Variants in MBD5 observed in about 807,000 individuals in gnomAD.
The protein encoded by MBD5 is methyl-CpG binding domain protein 5.
MBD5 carries 13 observed loss-of-function variants against 117.3 expected under a neutral mutation model. The ratio of observed to expected loss-of-function variants is 0.11; its 90% CI spans 0.07 to 0.18. The LOEUF is 0.18. Among genes scored for constraint, MBD5 ranks in the 10% least tolerant of loss-of-function variants. The probability of loss-of-function intolerance (pLI) is 1.00; values close to 1 mark genes in which losing one functional copy is unlikely to be tolerated. For missense variants in MBD5, 1,879 were observed against 2,093.8 expected (o/e 0.90, Z 2.00); for synonymous variants, 727 against 766.4 (o/e 0.95, Z 0.85).
At chr2:148,226,763 C>G (rs1360926224) in intron 2 of MBD5, among the ~76,000 whole-genome samples, 1 of 152,210 alleles carries the variant, frequency 6.6e-6, no homozygotes, top group Admixed American at 6.5e-5. Flanking sequence ...TCTACATCCT[C>G]TCCAGCACCT....
intron 1 of MBD5, among the ~76,000 whole-genome samples, chr2:148,074,260 ATTTG>A (rs1695433875): frequency 6.6e-6 from 1 of 151,996 alleles, no homozygotes; most frequent in African/African-American, 2.4e-5. Context: ...TACATTTGTA[ATTTG>A]TTTGTATCTT....
intron 1 of MBD5, chr2:148,028,676 T>C (rs539598142): frequency 6.6e-6 from 1 of 152,180 alleles, no homozygotes; most frequent in African/African-American, 2.4e-5. Flanking sequence ...AAAGCAAATA[T>C]TGATTTTTAA....
chr2:148,055,418 C>CTTTTTTTTTTTTTTTTTTTT (rs56877252), intron 1 of MBD5: 1 of 140,918 alleles, frequency 7.1e-6, no homozygotes. Flanking sequence ...ATAGGTTTTT[C>CTTTTTTTTTTTTTTTTTTTT]TTTTTTTTTT....
At chr2:148,138,699 T>G (rs13411680) in intron 1 of MBD5, among the ~76,000 whole-genome samples, 46,037 of 152,112 alleles carry the variant, frequency 0.3, 8,496 homozygotes, top group South Asian at 0.47. Flanking sequence ...ATGCTTGAGA[T>G]AAAGAAATTG....
chr2:148,384,320 G>T (rs1574362148), intron 4 of MBD5, among the ~76,000 whole-genome samples: 1 of 152,024 alleles, frequency 6.6e-6, no homozygotes, highest in South Asian at 2.1e-4. Flanking sequence ...ACCAATAACA[G>T]ACAAACAGAG....
chr2:148,334,235 G>A (rs945578380), intron 3 of MBD5, among the ~76,000 whole-genome samples: 1 of 152,104 alleles, frequency 6.6e-6, no homozygotes, highest in African/African-American at 2.4e-5. Context: ...TTAGAAACCA[G>A]CTTGCTTGGG....
chr2:148,120,966 G>A (rs1461456851), intron 1 of MBD5, among the ~76,000 whole-genome samples: 2 of 152,132 alleles, frequency 1.3e-5, no homozygotes, highest in Admixed American at 6.6e-5. Flanking sequence ...TGGATGTGCT[G>A]ATTAAGTTAT....
chr2:148,108,541 G>T (rs74454098), intron 1 of MBD5, among the ~76,000 whole-genome samples: 1 of 116,368 alleles, frequency 8.6e-6, no homozygotes, highest in Admixed American at 8.6e-5. Context: ...AAGAAAAAAA[G>T]AAAAAAAAAA....
At chr2:148,084,866 A>G (rs955383167) in intron 1 of MBD5, among the ~76,000 whole-genome samples, 3 of 152,208 alleles carry the variant, frequency 2.0e-5, no homozygotes, top group Non-Finnish European at 4.4e-5. Context: ...CCTCTGGCTA[A>G]TAATATTTCC....
intron 1 of MBD5, among the ~76,000 whole-genome samples, chr2:148,068,972 T>C (rs1162660559): frequency 6.6e-6 from 1 of 152,206 alleles, no homozygotes; most frequent in Non-Finnish European, 1.5e-5. Flanking sequence ...TTTTTAATAA[T>C]TGAAAAACAC....
intron 10 of MBD5, among the ~76,000 whole-genome samples, chr2:148,488,256 C>T (rs558953336): frequency 2.0e-5 from 3 of 152,134 alleles, no homozygotes; most frequent in South Asian, 2.1e-4. Context: ...TTTCTCATTA[C>T]GTAAGATCAT....
chr2:148,125,158 C>T (rs908383973), intron 1 of MBD5, among the ~76,000 whole-genome samples: 6 of 151,896 alleles, frequency 4.0e-5, no homozygotes, highest in African/African-American at 7.2e-5. Context: ...AGCATGTAGA[C>T]GTGAGGAAAA....
At chr2:148,358,243 G>C (rs1416537652) in intron 4 of MBD5, among the ~76,000 whole-genome samples, 1 of 152,094 alleles carries the variant, frequency 6.6e-6, no homozygotes, top group Non-Finnish European at 1.5e-5. Context: ...ATTTTACAAA[G>C]ATCACTCCTG....
At position 148,419,572 on chromosome 2, in the gene MBD5, A is replaced by G. The variant is rs930586482; in HGVS notation, c.-556-38631A>G. 2.0e-5 allele frequency among the ~76,000 whole-genome samples: 3 copies of G among 152,148 alleles called. No individual in the cohort carries two copies. In the East Asian group the frequency reaches 5.8e-4, roughly 29 times the overall value. ...AGCAGTTTAAAATGCCACCAGTGTC[A>G]TAACTAAATCTGTATATTATGTGGG... On this transcript the variant is annotated intron_variant, in intron 4 of 13. Transcript: ENST00000642680.
intron 2 of MBD5, among the ~76,000 whole-genome samples, chr2:148,184,569 T>C (rs1031686843): frequency 1.3e-5 from 2 of 152,238 alleles, no homozygotes; most frequent in African/African-American, 4.8e-5. Flanking sequence ...TATCTTCCCT[T>C]ATCTCTTTTA....
intron 1 of MBD5, among the ~76,000 whole-genome samples, chr2:148,034,871 T>C (rs887902217): frequency 1.3e-5 from 2 of 152,206 alleles, no homozygotes; most frequent in Admixed American, 1.3e-4. Flanking sequence ...TGACCAATGA[T>C]AAACATTATA....
At chr2:148,314,384 T>G (rs1302367364) in intron 3 of MBD5, among the ~76,000 whole-genome samples, 2 of 146,938 alleles carry the variant, frequency 1.4e-5, no homozygotes, top group Admixed American at 6.8e-5. Flanking sequence ...TGGTTTTTTT[T>G]TTTTTTTTTT....
chr2:148,212,485 G>A (rs1699447612), intron 2 of MBD5, among the ~76,000 whole-genome samples: 1 of 152,042 alleles, frequency 6.6e-6, no homozygotes, highest in Non-Finnish European at 1.5e-5. Context: ...CAGGTACTTA[G>A]AGTCCATTCT....
intron 4 of MBD5, among the ~76,000 whole-genome samples, chr2:148,350,111 G>A (rs183836549): frequency 1.4e-3 from 216 of 152,020 alleles, no homozygotes; most frequent in African/African-American, 4.6e-3. Flanking sequence ...ATTTTTTGAG[G>A]ATAAATGACT....
Sources: gnomAD v4.1 joint callset for allele counts (sites outside exome capture counted in the v4.1 genomes callset) on GRCh38, gnomAD v4.1.1 for gene constraint, MANE v1.5 for transcripts, NCBI Gene and HGNC (gene_info 2026-07-23, HGNC 2026-07-21) for gene names.